Variants in SLC24A2 observed in about 807,000 individuals in gnomAD.
The protein encoded by SLC24A2 is solute carrier family 24 member 2, also known as sodium/potassium/calcium exchanger 2.
In SLC24A2, 36 loss-of-function variants were observed where a neutral mutation model predicts 62.0. That is an observed-to-expected ratio of 0.58 (90% CI 0.44 to 0.77). The LOEUF is 0.77. Among genes scored for constraint, SLC24A2 ranks in the 30% least tolerant of loss-of-function variants. The pLI is 0.00. For missense variants in SLC24A2, 846 were observed against 817.9 expected, an observed-to-expected ratio of 1.03 and a Z score of -0.42; for synonymous variants, 358 against 294.0, an observed-to-expected ratio of 1.22 and a Z score of -2.23.
intron 2 of SLC24A2, among the ~76,000 whole-genome samples, chr9:19,745,613 C>T (rs1399013323): frequency 6.6e-6 from 1 of 152,148 alleles, no homozygotes; most frequent in East Asian, 1.9e-4. Flanking sequence ...ATATACCTAC[C>T]TGTGAGTGTA....
intron 7 of SLC24A2, among the ~76,000 whole-genome samples, chr9:19,559,472 C>A (rs1281649069): frequency 2.0e-5 from 3 of 152,148 alleles, no homozygotes; most frequent in Admixed American, 6.5e-5. Flanking sequence ...AGTAGACTTA[C>A]TATCAGAAAC....
chr9:19,520,819 T>G (rs1833163702), intron 10 of SLC24A2, 75 bp downstream of exon 10: 2 of 1,428,216 alleles, frequency 1.4e-6, no homozygotes, highest in South Asian at 2.3e-5. Flanking sequence ...ATCCTGGTCA[T>G]GTCTTTCCAG....
chr9:19,907,474 C>T, the SLC24A2 span, among the ~76,000 whole-genome samples: 2 of 152,100 alleles, frequency 1.3e-5, no homozygotes, highest in Non-Finnish European at 2.9e-5. Flanking sequence ...AAGTTCTAGC[C>T]AGGGCAATCA....
chr9:19,666,560 TTCTG>T (rs1454456767), intron 2 of SLC24A2, among the ~76,000 whole-genome samples: 42 of 152,298 alleles, frequency 2.8e-4, no homozygotes, highest in African/African-American at 8.7e-4. Context: ...AATTTTCTAG[TTCTG>T]TCTGTTTGTG....
At chr9:19,603,582 C>T (rs1217419188) in intron 4 of SLC24A2, among the ~76,000 whole-genome samples, 1 of 152,026 alleles carries the variant, frequency 6.6e-6, no homozygotes, top group African/African-American at 2.4e-5. Context: ...CTAATTCCAC[C>T]CCTAAATATC....
At chr9:19,900,804 A>G in the SLC24A2 span, among the ~76,000 whole-genome samples, 2 of 152,206 alleles carry the variant, frequency 1.3e-5, no homozygotes, top group African/African-American at 4.8e-5. Flanking sequence ...ACTTACCCTA[A>G]AACCCAGTTC....
chr9:19,873,554 C>CTTTCTTTCTT, the SLC24A2 span, among the ~76,000 whole-genome samples: 1 of 136,852 alleles, frequency 7.3e-6, no homozygotes, highest in African/African-American at 2.6e-5. Context: ...TTCTTTCTTT[C>CTTTCTTTCTT]TCTCTCTCTC....
chr9:19,584,289 A>C (rs902628179), intron 5 of SLC24A2, among the ~76,000 whole-genome samples: 91 of 150,404 alleles, frequency 6.1e-4, no homozygotes, highest in Admixed American at 1.5e-3. Flanking sequence ...AAAAAAAAAA[A>C]AAAACAAACA....
At chr9:19,982,192 G>C in the SLC24A2 span, among the ~76,000 whole-genome samples, 1 of 152,166 alleles carries the variant, frequency 6.6e-6, no homozygotes, top group Non-Finnish European at 1.5e-5. Flanking sequence ...TCATGTAAAA[G>C]AAACAGAGTG....
At chr9:20,228,390 T>G in the SLC24A2 span, among the ~76,000 whole-genome samples, 1 of 152,096 alleles carries the variant, frequency 6.6e-6, no homozygotes, top group East Asian at 1.9e-4. Context: ...AGCTCCCAGT[T>G]GCACTCACAT....
chr9:19,642,367 C>A (rs985104292), intron 2 of SLC24A2, among the ~76,000 whole-genome samples: 3 of 152,212 alleles, frequency 2.0e-5, no homozygotes, highest in African/African-American at 7.2e-5. Flanking sequence ...AGTCATCAGT[C>A]TGGCAGGGGC....
chr9:19,824,624 G>T, the SLC24A2 span, among the ~76,000 whole-genome samples: 2 of 152,100 alleles, frequency 1.3e-5, no homozygotes, highest in Non-Finnish European at 2.9e-5. Flanking sequence ...ATTCCTCAAG[G>T]ATCTGGAACT....
intron 5 of SLC24A2, among the ~76,000 whole-genome samples, chr9:19,590,275 G>T (rs1267138822): frequency 6.6e-6 from 1 of 152,140 alleles, no homozygotes; most frequent in African/African-American, 2.4e-5. Context: ...CTCATATCCA[G>T]ATGGCCCTGA....
the SLC24A2 span, among the ~76,000 whole-genome samples, chr9:19,856,951 C>A: frequency 6.4e-4 from 98 of 152,314 alleles, 3 homozygotes; most frequent in South Asian, 0.018. Flanking sequence ...AGACCACCAC[C>A]GCCATGTGGG....
chr9:19,832,515 T>C, the SLC24A2 span, among the ~76,000 whole-genome samples: 2 of 152,146 alleles, frequency 1.3e-5, no homozygotes, highest in African/African-American at 2.4e-5. Context: ...TAATAAATAG[T>C]GCTGGGAAAA....
chr9:20,159,696 T>A, the SLC24A2 span, among the ~76,000 whole-genome samples: 2 of 151,470 alleles, frequency 1.3e-5, no homozygotes, highest in African/African-American at 4.8e-5. Context: ...AACATTCATT[T>A]AATATCAGCA....
chr9:20,092,482 G>T, the SLC24A2 span, among the ~76,000 whole-genome samples: 1 of 152,122 alleles, frequency 6.6e-6, no homozygotes, highest in South Asian at 2.1e-4. Context: ...GCTATCATTA[G>T]TGTTAGTGTA....
the SLC24A2 span, among the ~76,000 whole-genome samples, chr9:20,130,434 G>A: frequency 1.3e-5 from 2 of 152,004 alleles, no homozygotes; most frequent in East Asian, 1.9e-4. Context: ...CATGTGAGCT[G>A]AAATCTTGCA....
intron 7 of SLC24A2, among the ~76,000 whole-genome samples, chr9:19,554,304 A>G (rs527273767): frequency 6.6e-6 from 1 of 152,342 alleles, no homozygotes; most frequent in Admixed American, 6.5e-5. Context: ...ACAAAAAGTG[A>G]TACAAATAAA....
Sources: allele counts gnomAD v4.1 joint callset (sites outside exome capture counted in the v4.1 genomes callset), GRCh38; gene constraint gnomAD v4.1.1; transcripts MANE v1.5; gene names NCBI Gene and HGNC (gene_info 2026-07-23, HGNC 2026-07-21).